The following TDRD7 variants were observed in gnomAD, a reference collection of about 807,000 sequenced individuals.
TDRD7 encodes tudor domain-containing protein 7.
In TDRD7, 47 loss-of-function variants were observed where a neutral mutation model predicts 109.8. The observed-to-expected ratio is 0.43, with a 90% confidence interval of 0.34 to 0.55. TDRD7 has a LOEUF of 0.55. Ranked by LOEUF, TDRD7 falls within the 20% of genes least tolerant of loss-of-function variation. The probability of loss-of-function intolerance (pLI) is 0.03; values close to 1 mark genes in which losing one functional copy is unlikely to be tolerated. For synonymous variants in TDRD7, 424 were observed against 457.3 expected (o/e 0.93, Z 0.93); for missense variants, 1,164 against 1,319.2 (o/e 0.88, Z 1.82).
At chr9:97,415,788 C>A (rs1587854194) in intron 1 of TDRD7, among the ~76,000 whole-genome samples, 1 of 152,160 alleles carries the variant, frequency 6.6e-6, no homozygotes, top group Admixed American at 6.5e-5. Context: ...GATATACTTT[C>A]TTTTATGCTT....
rs375910025 is a variant in TDRD7, at chr9:97,473,635, G to A, written c.2079+9G>A. On this transcript the variant is annotated intron_variant, in intron 11 of 16. Coordinates refer to ENST00000355295, the MANE Select transcript of TDRD7 (RefSeq NM_014290.3). ...ACTACTTCCATTGCAAGGTATAGCA[G>A]AACCTCTTCTACCTCTAAAATTAGC... 431 of 1,613,502 alleles carry A rather than the reference G, an allele frequency of 2.7e-4. No individual in the cohort carries two copies. In the African/African-American group the frequency reaches 5.4e-3, roughly 20 times the overall value.
intron 16 of TDRD7, among the ~76,000 whole-genome samples, chr9:97,490,150 TATTC>T (rs1343475230): frequency 6.6e-6 from 1 of 152,202 alleles, no homozygotes; most frequent in African/African-American, 2.4e-5. Context: ...TACCTTCACT[TATTC>T]ATTCTCTGAT....
At chr9:97,482,770 T>C in intron 14 of TDRD7, 79 bp from the exon 15 acceptor site, 1 of 1,469,104 alleles carries the variant, frequency 6.8e-7, no homozygotes, top group Non-Finnish European at 9.4e-7. Flanking sequence ...TGTGTTTTAA[T>C]GATTAAGGTT....
chr9:97,483,111 A>G lies in TDRD7; in HGVS notation c.2675A>G (p.His892Arg). ...TDVIKKSMVD[H>R]TSAFSTEELP... ...GTCATCAAAAAGTCCATGGTGGACCATACGAGCGCTTTCTCCACAGAGGAA... is the reference window on the plus strand; with the variant it reads ...GTCATCAAAAAGTCCATGGTGGACCGTACGAGCGCTTTCTCCACAGAGGAA... The change falls in exon 15 of 17, where the codon CAT becomes CGT. Residue 892 changes from histidine (H) to arginine (R), a missense_variant. Physicochemically the swap from His to Arg is conservative, Grantham distance 29 (BLOSUM62 0). Transcript: ENST00000355295. The G allele has an allele frequency of 6.2e-7, 1 of 1,614,200 alleles. No homozygotes were observed.
At chr9:97,493,908 C>T (rs951853283) in intron 16 of TDRD7, among the ~76,000 whole-genome samples, 1 of 152,210 alleles carries the variant, frequency 6.6e-6, no homozygotes, top group African/African-American at 2.4e-5. Flanking sequence ...CTCTCTTGTT[C>T]CCTGAACATT....
At chr9:97,457,438 G>A (rs1828638177) in intron 6 of TDRD7, among the ~76,000 whole-genome samples, 1 of 151,962 alleles carries the variant, frequency 6.6e-6, no homozygotes, top group African/African-American at 2.4e-5. Context: ...GCGTGCAATG[G>A]CATGATCTTG....
At chr9:97,433,910 T>A (rs1267940836) in intron 4 of TDRD7, among the ~76,000 whole-genome samples, 1 of 152,138 alleles carries the variant, frequency 6.6e-6, no homozygotes, top group African/African-American at 2.4e-5. Context: ...CCCAATACAC[T>A]GCTGGGGGAA....
chr9:97,486,088 C>T (rs1163708042), intron 15 of TDRD7, among the ~76,000 whole-genome samples: 1 of 152,138 alleles, frequency 6.6e-6, no homozygotes, highest in Non-Finnish European at 1.5e-5. Flanking sequence ...TTCCAGCCAG[C>T]CCCAGTCCAG....
intron 15 of TDRD7, among the ~76,000 whole-genome samples, chr9:97,483,811 G>A (rs1225935360): frequency 1.3e-5 from 2 of 151,944 alleles, no homozygotes; most frequent in African/African-American, 4.8e-5. Flanking sequence ...TATATTATTA[G>A]TATGTATAAT....
chr9:97,413,267 A>C (rs1391489367), intron 1 of TDRD7, among the ~76,000 whole-genome samples: 1 of 152,246 alleles, frequency 6.6e-6, no homozygotes, highest in East Asian at 1.9e-4. Flanking sequence ...CTTGATGTGT[A>C]TGAATGTGTT....
At chr9:97,461,784 G>A (rs1027730459) in intron 7 of TDRD7, among the ~76,000 whole-genome samples, 2 of 152,240 alleles carry the variant, frequency 1.3e-5, no homozygotes, top group African/African-American at 2.4e-5. Context: ...ACAGAATCTG[G>A]GCTCCTTCAA....
intron 1 of TDRD7, among the ~76,000 whole-genome samples, chr9:97,422,464 A>G (rs1352774788): frequency 1.3e-5 from 2 of 152,224 alleles, no homozygotes; most frequent in African/African-American, 4.8e-5. Context: ...ATTGATCTAT[A>G]TGATTGTTCT....
In TDRD7 at chr9:97,461,789, C is replaced by G. The variant is rs532539840; in HGVS notation, c.1442+1025C>G. On this transcript the variant is annotated intron_variant, in intron 7 of 16. Transcript: ENST00000355295. ...GCTGAAGCAAACAGAATCTGGGCTC[C>G]TTCAACCAAATGGTCCTTTGGTTTG... Among the ~76,000 whole-genome samples the G allele has an allele frequency of 5.3e-5, 8 of 152,338 alleles. No homozygotes were observed. The East Asian group carries it at 1.2e-3, about 22-fold the overall frequency.
At chr9:97,483,616 TTTTA>T (rs1829161032) in intron 15 of TDRD7, among the ~76,000 whole-genome samples, 1 of 152,040 alleles carries the variant, frequency 6.6e-6, no homozygotes, top group Non-Finnish European at 1.5e-5. Context: ...AGAAAAATAT[TTTTA>T]TTCAGAAAAT....
chr9:97,430,455 G>A (rs1024285309), intron 2 of TDRD7, among the ~76,000 whole-genome samples: 1 of 152,164 alleles, frequency 6.6e-6, no homozygotes, highest in Non-Finnish European at 1.5e-5. Context: ...GGCAAGAGAA[G>A]GATTTAGTAG....
chr9:97,454,854 A>G (rs1390556932), intron 6 of TDRD7, among the ~76,000 whole-genome samples: 1 of 152,166 alleles, frequency 6.6e-6, no homozygotes, highest in African/African-American at 2.4e-5. Context: ...AAGGAGATGG[A>G]GACAGGAAAA....
chr9:97,418,142 G>C lies in TDRD7; in HGVS notation c.-7+5904G>C, dbSNP rs986741383. ...TCTATCTGGGGGAAAAATAAAGGGG[G>C]AGTGAAAGTAGGAAGTATGTGTGTG... On this transcript the variant is annotated intron_variant, in intron 1 of 16. Transcript: ENST00000355295. 8.5e-5 allele frequency among the ~76,000 whole-genome samples: 13 copies of C among 152,236 alleles called. No individual in the cohort carries two copies. In the East Asian group the frequency reaches 1.9e-3, roughly 23 times the overall value.
intron 2 of TDRD7, 52 bp downstream of exon 2, chr9:97,428,724 T>A: frequency 6.5e-7 from 1 of 1,533,172 alleles, no homozygotes; most frequent in Non-Finnish European, 9.0e-7. Context: ...CATAATTGCC[T>A]CTCTGGCACT....
intron 14 of TDRD7, among the ~76,000 whole-genome samples, chr9:97,481,940 A>G (rs961330995): frequency 2.6e-5 from 4 of 152,180 alleles, no homozygotes; most frequent in African/African-American, 4.8e-5. Context: ...CCTTGCTGTT[A>G]TCTCCCTCTC....
Sources: allele counts gnomAD v4.1 joint callset (sites outside exome capture counted in the v4.1 genomes callset), GRCh38; gene constraint gnomAD v4.1.1; transcripts MANE v1.5; gene names NCBI Gene and HGNC (gene_info 2026-07-23, HGNC 2026-07-21).